Variants in ATP6V0D2 observed in about 807,000 individuals in gnomAD.
ATP6V0D2 encodes ATPase H+ transporting V0 subunit d2.
In ATP6V0D2, 40 loss-of-function variants were observed where a neutral mutation model predicts 40.0. The observed-to-expected ratio is 1.00, with a 90% CI of 0.78 to 1.30. ATP6V0D2 has a LOEUF of 1.30. Ranked by LOEUF, ATP6V0D2 falls within the 50% of genes most tolerant of loss-of-function variation. The pLI, the probability that ATP6V0D2 is intolerant of heterozygous loss-of-function variation, is 0.00. For synonymous variants in ATP6V0D2, 179 were observed against 156.3 expected (o/e 1.15, Z -1.08); for missense variants, 470 against 423.1 (o/e 1.11, Z -0.97).
At chr8:86,140,064 G>A (rs1378353529) in intron 3 of ATP6V0D2, among the ~76,000 whole-genome samples, 1 of 152,156 alleles carries the variant, frequency 6.6e-6, no homozygotes, top group Non-Finnish European at 1.5e-5. Context: ...AGATAAGGCT[G>A]CATATAGGAA....
At chr8:86,102,059 A>C (rs1480477501) in intron 1 of ATP6V0D2, among the ~76,000 whole-genome samples, 1 of 152,154 alleles carries the variant, frequency 6.6e-6, no homozygotes, top group Non-Finnish European at 1.5e-5. Context: ...CTAACACGCT[A>C]TTGGTGATGG....
chr8:86,139,956 A>C (rs1348818564), intron 3 of ATP6V0D2, among the ~76,000 whole-genome samples: 2 of 152,236 alleles, frequency 1.3e-5, no homozygotes, highest in East Asian at 3.9e-4. Context: ...AGGTCATAGC[A>C]AATAAATAAT....
At chr8:86,110,795 T>C (rs1818520521) in intron 1 of ATP6V0D2, among the ~76,000 whole-genome samples, 2 of 152,122 alleles carry the variant, frequency 1.3e-5, no homozygotes, top group South Asian at 4.2e-4. Flanking sequence ...TATTAATCAG[T>C]ACATTAAAAA....
At chr8:86,127,189 G>A (rs142792913) in intron 2 of ATP6V0D2, among the ~76,000 whole-genome samples, 200 of 152,272 alleles carry the variant, frequency 1.3e-3, no homozygotes, top group African/African-American at 4.6e-3. Context: ...TCTAAATTCA[G>A]CTGACTAGGA....
At chr8:86,122,346 A>G (rs891415447) in intron 2 of ATP6V0D2, among the ~76,000 whole-genome samples, 10 of 152,176 alleles carry the variant, frequency 6.6e-5, no homozygotes, top group Non-Finnish European at 1.5e-4. Flanking sequence ...AGGACCACAC[A>G]CTGAAGAAAT....
At position 86,153,061 on chromosome 8, in the gene ATP6V0D2, T is replaced by A. The variant is rs1202585013; in HGVS notation, c.*84T>A. 1 of 1,228,528 alleles carries A rather than the reference T, an allele frequency of 8.1e-7. No individual in the cohort carries two copies. Among genetic ancestry groups the A allele is most frequent in the East Asian group, 2.7e-5 (1 of 37,248 alleles). The allele number at this position is 1,228,528 out of a possible 1,614,324, so 76.1% of individuals were successfully genotyped here. On this transcript the variant is annotated 3_prime_UTR_variant, in exon 8 of 8. Coordinates refer to ENST00000285393, the MANE Select transcript of ATP6V0D2 (RefSeq NM_152565.1). ...AAATAAAAGAAATTATGTTATATTATCTAGACTACACAAAAGTAAGCCACA... is the reference window on the plus strand; with the variant it reads ...AAATAAAAGAAATTATGTTATATTAACTAGACTACACAAAAGTAAGCCACA...
At chr8:86,152,322 A>G (rs1819169189) in intron 7 of ATP6V0D2, among the ~76,000 whole-genome samples, 1 of 152,130 alleles carries the variant, frequency 6.6e-6, no homozygotes, top group Admixed American at 6.5e-5. Context: ...CCAGGCTATC[A>G]CTGATGGGCA....
intron 4 of ATP6V0D2, among the ~76,000 whole-genome samples, chr8:86,142,107 A>G (rs1818982954): frequency 6.6e-6 from 1 of 152,200 alleles, no homozygotes; most frequent in Non-Finnish European, 1.5e-5. Context: ...TTTTAGTCAA[A>G]TAACCATAGC....
intron 1 of ATP6V0D2, among the ~76,000 whole-genome samples, chr8:86,111,164 GTTTTTTTCTT>G (rs1196196327): frequency 7.4e-5 from 11 of 149,078 alleles, no homozygotes; most frequent in African/African-American, 2.5e-4. Context: ...CCACTAAGTC[GTTTTTTTCTT>G]TTTTTTTCTT....
At chr8:86,102,204 C>T (rs1471847154) in intron 1 of ATP6V0D2, among the ~76,000 whole-genome samples, 1 of 152,220 alleles carries the variant, frequency 6.6e-6, no homozygotes, top group African/African-American at 2.4e-5. Context: ...ATAATGACTG[C>T]TCTACCTGAT....
At chr8:86,134,430 C>T (rs1818869136) in intron 2 of ATP6V0D2, among the ~76,000 whole-genome samples, 2 of 152,218 alleles carry the variant, frequency 1.3e-5, no homozygotes, top group South Asian at 2.1e-4. Flanking sequence ...ACCCTTTCTC[C>T]TCTTGAGTTT....
At chr8:86,147,077 C>T (rs1169411732) in intron 5 of ATP6V0D2, among the ~76,000 whole-genome samples, 3 of 152,096 alleles carry the variant, frequency 2.0e-5, no homozygotes, top group African/African-American at 7.2e-5. Flanking sequence ...TTTACTCCTA[C>T]TCTTCAATCT....
intron 2 of ATP6V0D2, among the ~76,000 whole-genome samples, chr8:86,138,679 G>C (rs1473113098): frequency 6.6e-6 from 1 of 152,202 alleles, no homozygotes; most frequent in African/African-American, 2.4e-5. Context: ...GTATTTTTTA[G>C]AATTAAATTT....
At chr8:86,126,262 A>ATATATATATATATATATATATTTTT in intron 2 of ATP6V0D2, among the ~76,000 whole-genome samples, 1 of 131,336 alleles carries the variant, frequency 7.6e-6, no homozygotes, top group African/African-American at 2.8e-5. Flanking sequence ...ATATATATAT[A>ATATATATATATATATATATATTTTT]TCTTTTTGTA....
chr8:86,135,303 C>A (rs1165750926), intron 2 of ATP6V0D2, among the ~76,000 whole-genome samples: 1 of 152,148 alleles, frequency 6.6e-6, no homozygotes, highest in African/African-American at 2.4e-5. Flanking sequence ...AGTTATCATA[C>A]AGAAAATATA....
At chr8:86,111,611 A>G (rs959676106) in intron 1 of ATP6V0D2, among the ~76,000 whole-genome samples, 1 of 152,134 alleles carries the variant, frequency 6.6e-6, no homozygotes, top group African/African-American at 2.4e-5. Context: ...CAGTAGTGAG[A>G]TTGCTAGATC....
At chr8:86,139,060 T>G (rs1461214668) in intron 2 of ATP6V0D2, among the ~76,000 whole-genome samples, 1 of 152,042 alleles carries the variant, frequency 6.6e-6, no homozygotes, top group African/African-American at 2.4e-5. Context: ...AAACCCTGTA[T>G]CTACTAAAAA....
intron 4 of ATP6V0D2, among the ~76,000 whole-genome samples, chr8:86,142,192 AT>A (rs140865424): frequency 6.6e-6 from 1 of 152,318 alleles, no homozygotes; most frequent in East Asian, 1.9e-4. Context: ...TTTCAAAAGC[AT>A]TGTATTGCAG....
chr8:86,130,104 C>G (rs1818802505), intron 2 of ATP6V0D2, among the ~76,000 whole-genome samples: 1 of 152,088 alleles, frequency 6.6e-6, no homozygotes, highest in African/African-American at 2.4e-5. Context: ...TCACCAAAAG[C>G]TATTCTAATA....
Sources: gnomAD v4.1 joint callset for allele counts (sites outside exome capture counted in the v4.1 genomes callset) on GRCh38, gnomAD v4.1.1 for gene constraint, MANE v1.5 for transcripts, NCBI Gene and HGNC (gene_info 2026-07-23, HGNC 2026-07-21) for gene names.